The following RPH3AL variants were observed in gnomAD, a reference collection of about 807,000 sequenced individuals.
The protein encoded by RPH3AL is rab effector Noc2.
RPH3AL carries 38 observed loss-of-function variants against 43.1 expected under a neutral mutation model. That is an observed-to-expected ratio of 0.88 (90% CI 0.68 to 1.15). The LOEUF is 1.15. Among genes scored for constraint, RPH3AL ranks in the 50% most tolerant of loss-of-function variants. The pLI is 0.00. For missense variants in RPH3AL, 462 were observed against 423.2 expected (o/e 1.09, Z -0.81); for synonymous variants, 189 against 176.3 (o/e 1.07, Z -0.57).
At chr17:241,967 A>C (rs978586683) in intron 7 of RPH3AL, among the ~76,000 whole-genome samples, 1 of 152,110 alleles carries the variant, frequency 6.6e-6, no homozygotes, top group African/African-American at 2.4e-5. Flanking sequence ...AAATACAAAA[A>C]TTAGCCAGGT....
intron 5 of RPH3AL, among the ~76,000 whole-genome samples, chr17:294,924 A>AG (rs1306730492): frequency 2.6e-4 from 14 of 53,508 alleles, no homozygotes; most frequent in East Asian, 2.4e-3. Flanking sequence ...GGAGGGACAG[A>AG]GATGCTGCAG....
rs1043482760 is a variant in RPH3AL, at chr17:246,075, C to T, written c.613+1036G>A. 7.2e-5 allele frequency among the ~76,000 whole-genome samples: 11 copies of T among 152,176 alleles called. No homozygotes were observed. The highest frequency in any genetic ancestry group is 2.9e-5 in the Non-Finnish European group (2 of 68,028). On this transcript the variant is annotated intron_variant, in intron 7 of 9. Transcript: ENST00000331302. This position sits in a 1 kb window ranked among gnomAD's most constrained non-coding sequence, Gnocchi z 4.8. The stretch of plus-strand genomic sequence containing the variant: ...ATGGGGGATTTATACCTTCTACATA[C>T]GTCACTGGACAACTTTCACATGTTC...
At chr17:284,420 C>A (rs1239701499) in intron 5 of RPH3AL, among the ~76,000 whole-genome samples, 1 of 152,220 alleles carries the variant, frequency 6.6e-6, no homozygotes, top group Non-Finnish European at 1.5e-5. Flanking sequence ...TGCTTCTGCT[C>A]AGGCGGGTCC....
In RPH3AL at chr17:235,274, G is replaced by A. The variant is rs537785757; in HGVS notation, c.613+11837C>T. ...CCAGGGTCCAAAGCTGGGGTCGGCC[G>A]AGGCTCTACACTAACAAGACGGGTC... On this transcript the variant is annotated intron_variant, in intron 7 of 9. Transcript: ENST00000331302. Among the ~76,000 whole-genome samples, 20 of 136,102 alleles carry A rather than the reference G, an allele frequency of 1.5e-4. No homozygotes were observed. In the East Asian group the frequency reaches 2.9e-3, roughly 20 times the overall value. The allele number at this position is 136,102 out of a possible 152,430, so 89.3% of individuals were successfully genotyped here. A position where few individuals can be genotyped will look rare whatever the true frequency, so the allele number is the denominator to read the frequency against.
rs2044845510 is a variant in RPH3AL at position 333,196 on chromosome 17, A to G, written c.-37+563T>C. The stretch of plus-strand genomic sequence containing the variant: ...ACTGCAGACATCACTGCAGACACAG[A>G]GAAGGCCATTAGAGCTCACCACCCC... On this transcript the variant is annotated intron_variant, in intron 2 of 9. Coordinates refer to ENST00000331302, the MANE Select transcript of RPH3AL (RefSeq NM_006987.4). The surrounding 1 kb of genome is among the most constrained non-coding windows in gnomAD (Gnocchi z 4.5). The G allele has an allele frequency of 1.6e-6, 1 of 608,464 alleles. No individual in the cohort carries two copies. Among genetic ancestry groups the G allele is most frequent in the African/African-American group, 1.8e-5 (1 of 56,292 alleles). 37.7% of individuals were successfully genotyped at this position (608,464 alleles called of 1,614,324 possible).
intron 5 of RPH3AL, among the ~76,000 whole-genome samples, chr17:310,926 G>T (rs529565019): frequency 1.3e-5 from 2 of 152,094 alleles, no homozygotes; most frequent in African/African-American, 2.4e-5. Context: ...GGGCCCCCAG[G>T]GGGGCAGTGC....
intron 5 of RPH3AL, among the ~76,000 whole-genome samples, chr17:295,592 A>T (rs375247967): frequency 1.8e-3 from 22 of 12,502 alleles, no homozygotes; most frequent in African/African-American, 1.8e-3. Flanking sequence ...GGGAATGCAC[A>T]TCAGTGTGGG....
At chr17:291,713 C>T (rs537397866) in intron 5 of RPH3AL, among the ~76,000 whole-genome samples, 2 of 152,048 alleles carry the variant, frequency 1.3e-5, no homozygotes, top group African/African-American at 2.4e-5. Flanking sequence ...GCAACAAAGA[C>T]GATGATGATG....
At position 289,137 on chromosome 17, in the gene RPH3AL, C is replaced by A. The variant is rs1028721859; in HGVS notation, c.352-7283G>T. Among the ~76,000 whole-genome samples the A allele has an allele frequency of 3.3e-5, 5 of 152,148 alleles. No individual in the cohort carries two copies. Among genetic ancestry groups the A allele is most frequent in the African/African-American group, 1.2e-4 (5 of 41,420 alleles). ...TTGGACTCGGTACTCGCCTTCTGAG[C>A]CTCACTTCCTCATCTGTAAGTTGGT... On this transcript the variant is annotated intron_variant, in intron 5 of 9. Transcript: ENST00000331302. The surrounding 1 kb of genome is among the most constrained non-coding windows in gnomAD (Gnocchi z 5.2).
In RPH3AL at chr17:289,149, A is replaced by G. The variant is rs1248070483; in HGVS notation, c.352-7295T>C. ...CTCGCCTTCTGAGCCTCACTTCCTC[A>G]TCTGTAAGTTGGTGGTAACAGGCCC... is the stretch of plus-strand genomic sequence containing the variant. On this transcript the variant is annotated intron_variant, in intron 5 of 9. Transcript: ENST00000331302. The surrounding 1 kb of genome is among the most constrained non-coding windows in gnomAD (Gnocchi z 5.2). Among the ~76,000 whole-genome samples the G allele has an allele frequency of 6.6e-6, 1 of 152,112 alleles. No homozygotes were observed. Among genetic ancestry groups the G allele is most frequent in the African/African-American group, 2.4e-5 (1 of 41,408 alleles).
At chr17:247,883 C>T (rs2151546060) in intron 6 of RPH3AL, among the ~76,000 whole-genome samples, 1 of 152,332 alleles carries the variant, frequency 6.6e-6, no homozygotes, top group East Asian at 1.9e-4. Flanking sequence ...TGAGTTTCCA[C>T]TAGATCTGCC....
At chr17:249,967 G>A (rs7225426) in intron 6 of RPH3AL, among the ~76,000 whole-genome samples, 66,184 of 128,830 alleles carry the variant, frequency 0.51, 16,157 homozygotes, top group Middle Eastern at 0.54. Flanking sequence ...ACTAAGCTCC[G>A]TCGCTGCAGG....
chr17:332,796 G>A (rs1052037189), intron 2 of RPH3AL: 2 of 326,232 alleles, frequency 6.1e-6, no homozygotes, highest in South Asian at 5.2e-5. Flanking sequence ...CTGGGAAGCT[G>A]AGACCTCCTG....
At position 333,105 on chromosome 17, in the gene RPH3AL, C is replaced by T. The variant is rs748899568; in HGVS notation, c.-37+654G>A. ...TCGAGAGCTCACCACCCCGGGCGTT[C>T]GTCACTGCAGACATCACTGCAGACA... On this transcript the variant is annotated intron_variant, in intron 2 of 9. Transcript: ENST00000331302. This position sits in a 1 kb window ranked among gnomAD's most constrained non-coding sequence, Gnocchi z 4.5. 3.0e-5 allele frequency: 38 copies of T among 1,282,316 alleles called. No individual in the cohort carries two copies. The African/African-American group carries it at 4.0e-4, about 13-fold the overall frequency. 79.4% of individuals were successfully genotyped at this position (1,282,316 alleles called of 1,614,324 possible).
At chr17:241,711 C>CTTTTTTTTTTT in intron 7 of RPH3AL, among the ~76,000 whole-genome samples, 1 of 92,766 alleles carries the variant, frequency 1.1e-5, no homozygotes, top group Non-Finnish European at 2.2e-5. Flanking sequence ...GTTTCTTTTT[C>CTTTTTTTTTTT]TTTTTTTTTC....
chr17:289,660 C>T lies in RPH3AL; in HGVS notation c.352-7806G>A, dbSNP rs972646381. Among the ~76,000 whole-genome samples the T allele has an allele frequency of 5.3e-5, 8 of 152,188 alleles. No individual in the cohort carries two copies. Among genetic ancestry groups the T allele is most frequent in the African/African-American group, 1.9e-4 (8 of 41,444 alleles). On this transcript the variant is annotated intron_variant, in intron 5 of 9. Transcript: ENST00000331302. This position sits in a 1 kb window ranked among gnomAD's most constrained non-coding sequence, Gnocchi z 5.2. ...GCCTCACTTCATACGGCATTCGGGC[C>T]GGCCCTGCCTCCTGCTCTACTTCCT...
Position 327,549 on chromosome 17 carries a change from G to C in RPH3AL, c.-6C>G, listed in dbSNP as rs182282019. 2.9e-5 allele frequency: 46 copies of C among 1,613,322 alleles called. No homozygotes were observed. Among genetic ancestry groups the C allele is most frequent in the Non-Finnish European group, 3.8e-5 (45 of 1,179,828 alleles). On this transcript the variant is annotated 5_prime_UTR_variant, in exon 3 of 10. Coordinates refer to ENST00000331302, the MANE Select transcript of RPH3AL (RefSeq NM_006987.4). ...CCGAAGATGGTGTCGGCCATGGCTC[G>C]GAGCACCCGGCTGGGGGTGGGGAGT...
chr17:320,972 G>A (rs1470254283), intron 4 of RPH3AL, among the ~76,000 whole-genome samples: 1 of 152,172 alleles, frequency 6.6e-6, no homozygotes, highest in Non-Finnish European at 1.5e-5. Flanking sequence ...CTGCAGGTGT[G>A]CACAGCCGAA....
chr17:315,377 G>C (rs28366901), intron 5 of RPH3AL, among the ~76,000 whole-genome samples: 1 of 141,794 alleles, frequency 7.1e-6, no homozygotes, highest in Non-Finnish European at 1.6e-5. Flanking sequence ...TGTAGTCCCT[G>C]TGCCCCACCT....
Sources: gnomAD v4.1 joint callset for allele counts (sites outside exome capture counted in the v4.1 genomes callset) on GRCh38, gnomAD v4.1.1 for gene constraint, Gnocchi (gnomAD v3.1) non-coding constraint, MANE v1.5 for transcripts, NCBI Gene and HGNC (gene_info 2026-07-23, HGNC 2026-07-21) for gene names.